MYH15: variants seen among roughly 807,000 people sequenced by gnomAD.
MYH15 encodes myosin heavy chain 15.
A neutral mutation model predicts 240.5 loss-of-function variants in MYH15; 227 were observed. That is an observed-to-expected ratio of 0.94 (90% CI 0.85 to 1.05). MYH15 has a LOEUF of 1.05. Ranked by LOEUF, MYH15 falls within the 50% of genes least tolerant of loss-of-function variation. The pLI is 0.00. For missense variants in MYH15, 2,217 were observed against 2,247.5 expected (o/e 0.99, Z 0.27); for synonymous variants, 785 against 796.7 (o/e 0.99, Z 0.25).
At chr3:108,536,468 A>T in the MYH15 span, among the ~76,000 whole-genome samples, 2 of 152,242 alleles carry the variant, frequency 1.3e-5, no homozygotes, top group African/African-American at 2.4e-5. Context: ...ATGTTGGAAA[A>T]GCAAATGCAG....
At chr3:108,496,040 A>G (rs564650334) in intron 6 of MYH15, among the ~76,000 whole-genome samples, 168 bp from the exon 7 acceptor site, 1 of 152,232 alleles carries the variant, frequency 6.6e-6, no homozygotes, top group Non-Finnish European at 1.5e-5. Flanking sequence ...TCAGAAAAAC[A>G]GTTGGATGAC....
rs2083222391 is a variant in MYH15, at chr3:108,476,490, C to T, written c.1140G>A (p.Met380Ile). The T allele has an allele frequency of 1.2e-6, 2 of 1,612,514 alleles. No homozygotes were observed. Among genetic ancestry groups the T allele is most frequent in the Non-Finnish European group, 1.7e-6 (2 of 1,178,902 alleles). The change falls in exon 12 of 41, where the codon ATG (methionine) becomes ATA (isoleucine). Residue 380 changes from methionine to isoleucine, a missense_variant. Coordinates refer to ENST00000693548, the MANE Select transcript of MYH15 (RefSeq NM_014981.3). ...TTACCAACTCAGAGGAGTTAATGCCCATGAGGAAAGCAGCTTTGTCAGCAT... is the reference window on the plus strand; with the variant it reads ...TTACCAACTCAGAGGAGTTAATGCCTATGAGGAAAGCAGCTTTGTCAGCAT... The part of the protein sequence containing the change: ...TENADKAAFL[M>I]GINSSELVKC...
chr3:108,408,872 CCA>C (rs1193555076), intron 31 of MYH15, among the ~76,000 whole-genome samples: 1 of 152,168 alleles, frequency 6.6e-6, no homozygotes, highest in Non-Finnish European at 1.5e-5. Context: ...AGGCATGGCC[CCA>C]GATAGGCCAG....
Position 108,401,696 on chromosome 3 carries a change from C to A in MYH15, c.4737-2429G>T, listed in dbSNP as rs371215586. 7.2e-5 allele frequency among the ~76,000 whole-genome samples: 11 copies of A among 152,228 alleles called. 1 individual carries two copies. The highest frequency in any genetic ancestry group is 5.8e-4 in the East Asian group (3 of 5,202). On this transcript the variant is annotated intron_variant, in intron 33 of 40. Coordinates refer to ENST00000693548, the MANE Select transcript of MYH15 (RefSeq NM_014981.3). Reference sequence around the variant, plus strand: ...CAGAAATACATTCTACTTAAGCAGACAAACTGCATGTTTCAAACTGCACTT... The same window carrying A: ...CAGAAATACATTCTACTTAAGCAGAAAAACTGCATGTTTCAAACTGCACTT...
Position 108,470,749 on chromosome 3 carries a change from T to C in MYH15, c.1332A>G (p.Ser444=). ...RINRALDAKL[S]RQFFIGILDI... is the part of the protein sequence containing the mutation. ...CAAGAATGCCAATGAAGAACTGCCT[T>C]GACAGCTTGGCATCCAGGGCCCTGT... The change falls in exon 13 of 41, where the codon TCA becomes TCG. Residue 444 remains serine, a synonymous_variant. Transcript: ENST00000693548. 6.2e-7 allele frequency: 1 copy of C among 1,613,882 alleles called. No homozygotes were observed. Among genetic ancestry groups the C allele is most frequent in the Non-Finnish European group, 8.5e-7 (1 of 1,179,882 alleles).
chr3:108,483,740 T>C (rs1228782005), intron 11 of MYH15, among the ~76,000 whole-genome samples: 1 of 152,200 alleles, frequency 6.6e-6, no homozygotes, highest in Non-Finnish European at 1.5e-5. Flanking sequence ...ATGCATACAC[T>C]GGAATATTAT....
At chr3:108,463,371 G>A in intron 15 of MYH15, 128 bp from the exon 16 acceptor site, 1 of 1,008,426 alleles carries the variant, frequency 9.9e-7, no homozygotes, top group Non-Finnish European at 1.4e-6. Flanking sequence ...CTAGAATGCA[G>A]TGGCATAGTC....
Position 108,495,799 on chromosome 3 carries a change from T to C in MYH15, c.692A>G (p.Asn231Ser). Reference sequence around the variant, plus strand: ...ACTTACAAAACGAGAGGAGTTGTCATTTCTCAGGGTTTTAGCATTTCCAAA... The same window carrying C: ...ACTTACAAAACGAGAGGAGTTGTCACTTCTCAGGGTTTTAGCATTTCCAAA... ...EAFGNAKTLR[N>S]DNSSRFGKFI... Residue 231 changes from asparagine to serine, a missense_variant, in exon 7 of 41, where the codon AAT becomes AGT. Asn to Ser is a conservative substitution (Grantham distance 46, BLOSUM62 1). Coordinates refer to ENST00000693548, the MANE Select transcript of MYH15 (RefSeq NM_014981.3). 1 of 1,612,226 alleles carries C rather than the reference T, an allele frequency of 6.2e-7. No homozygotes were observed. The highest frequency in any genetic ancestry group is 8.5e-7 in the Non-Finnish European group (1 of 1,179,166).
intron 21 of MYH15, among the ~76,000 whole-genome samples, chr3:108,452,573 AT>A (rs1405625084): frequency 4.0e-5 from 6 of 151,568 alleles, no homozygotes; most frequent in African/African-American, 1.5e-4. Flanking sequence ...CTTCAGGACA[AT>A]ATATACAAAA....
At chr3:108,495,484 T>C (rs1451383733) in intron 7 of MYH15, among the ~76,000 whole-genome samples, 4 of 152,180 alleles carry the variant, frequency 2.6e-5, no homozygotes, top group African/African-American at 9.6e-5. Context: ...TAAAACATTA[T>C]TATAATTTTT....
chr3:108,529,581 A>C (rs1178469470), upstream of MYH15, among the ~76,000 whole-genome samples: 5 of 152,232 alleles, frequency 3.3e-5, no homozygotes, highest in Non-Finnish European at 5.9e-5. Context: ...ACAATCTCCA[A>C]CATAGGTCTC....
Position 108,399,204 on chromosome 3 carries a change from T to G in MYH15, c.4800A>C (p.Arg1600Ser). Reference protein sequence around the residue: ...QSSLDSEAKSRIEVTRLKKKM... With the variant: ...QSSLDSEAKSSIEVTRLKKKM... Reference sequence around the variant, plus strand: ...TCTTCTTCAGCCGGGTAACCTCAATTCTGCTCTTAGCTTCAGAATCCAGAC... The same window carrying G: ...TCTTCTTCAGCCGGGTAACCTCAATGCTGCTCTTAGCTTCAGAATCCAGAC... The change falls in exon 34 of 41, where the codon AGA becomes AGC. Residue 1600 changes from arginine (R) to serine (S), a missense_variant. Arg to Ser is a moderately radical substitution (Grantham distance 110). Transcript: ENST00000693548. 6.2e-7 allele frequency: 1 copy of G among 1,614,186 alleles called. No homozygotes were observed. The highest frequency in any genetic ancestry group is 8.5e-7 in the Non-Finnish European group (1 of 1,180,026).
chr3:108,478,393 A>G (rs527511517), intron 11 of MYH15, among the ~76,000 whole-genome samples: 1 of 152,318 alleles, frequency 6.6e-6, no homozygotes, highest in East Asian at 1.9e-4. Context: ...CACAAAGCCT[A>G]TTTGGAAAAA....
At chr3:108,392,560 T>C (rs556126943) in intron 36 of MYH15, among the ~76,000 whole-genome samples, 47 of 152,346 alleles carry the variant, frequency 3.1e-4, no homozygotes, top group Non-Finnish European at 6.5e-4. Flanking sequence ...TGTAAGAACA[T>C]GGCCCTCACA....
Position 108,410,753 on chromosome 3 carries a change from C to A in MYH15, c.4325G>T (p.Gly1442Val). The change falls in exon 31 of 41, where the codon GGC becomes GTC. Residue 1442 changes from glycine to valine, a missense_variant. By Grantham distance (109) the Gly-to-Val change is moderately radical. Coordinates refer to ENST00000693548, the MANE Select transcript of MYH15 (RefSeq NM_014981.3). ...ARLDQKQLQS[G>V]KALADWKQKH... ...CTGCTTCCAGTCGGCAAGGGCCTTG[C>A]CAGACTGCAGCTGCTTCTGGTCCAG... The A allele has an allele frequency of 6.2e-7, 1 of 1,614,122 alleles. No homozygotes were observed. The highest frequency in any genetic ancestry group is 8.5e-7 in the Non-Finnish European group (1 of 1,180,016).
intron 26 of MYH15, among the ~76,000 whole-genome samples, chr3:108,429,340 T>C (rs1576228150): frequency 6.6e-6 from 1 of 152,206 alleles, no homozygotes; most frequent in East Asian, 1.9e-4. Context: ...AGCAATTTAA[T>C]TGTAAGAAAT....
At chr3:108,527,480 G>C (rs1020484080) in intron 1 of MYH15, among the ~76,000 whole-genome samples, 2 of 151,966 alleles carry the variant, frequency 1.3e-5, no homozygotes, top group East Asian at 3.9e-4. Flanking sequence ...GCTATAGACA[G>C]TTACATGTTT....
At chr3:108,449,378 TA>T in intron 21 of MYH15, among the ~76,000 whole-genome samples, 1 of 152,112 alleles carries the variant, frequency 6.6e-6, no homozygotes, top group East Asian at 1.9e-4. Flanking sequence ...GGTATTAGCA[TA>T]AAAACAAACA....
intron 35 of MYH15, among the ~76,000 whole-genome samples, chr3:108,396,345 T>TA (rs1553762815): frequency 2.0e-5 from 3 of 152,064 alleles, no homozygotes; most frequent in East Asian, 1.9e-4. Context: ...GTAGCAGGGT[T>TA]GGGGGGAGAC....
Sources: gnomAD v4.1 joint callset for allele counts (sites outside exome capture counted in the v4.1 genomes callset) on GRCh38, gnomAD v4.1.1 for gene constraint, MANE v1.5 for transcripts, NCBI Gene and HGNC (gene_info 2026-07-23, HGNC 2026-07-21) for gene names.